SMUG1: variants seen among roughly 807,000 people sequenced by gnomAD.
SMUG1 encodes single-strand selective monofunctional uracil DNA glycosylase.
In SMUG1, 13 loss-of-function variants were observed where a neutral mutation model predicts 23.9. That is an observed-to-expected ratio of 0.54 (90% CI 0.35 to 0.86). The LOEUF (loss-of-function observed/expected upper bound fraction) is 0.86. SMUG1 is among the 40% of genes least tolerant of loss of function. The probability of loss-of-function intolerance (pLI) is 0.01; values close to 1 mark genes in which losing one functional copy is unlikely to be tolerated. For synonymous variants in SMUG1, 133 were observed against 139.8 expected (o/e 0.95, Z 0.34); for missense variants, 313 against 339.5 (o/e 0.92, Z 0.61).
intron 2 of SMUG1, among the ~76,000 whole-genome samples, chr12:54,185,980 G>A (rs1942366042): frequency 6.6e-6 from 1 of 152,130 alleles, no homozygotes; most frequent in East Asian, 1.9e-4. Context: ...AAAGGCCATT[G>A]CTTCACTCCA....
chr12:54,172,051 G>A (rs752627579), exon 3 of SMUG1: 1 of 455,332 alleles, frequency 2.2e-6, no homozygotes, highest in South Asian at 1.5e-5. Context: ...CTCCTGACTG[G>A]TCTCCCTGCT....
chr12:54,178,696 C>T (rs1157477838), downstream of SMUG1, among the ~76,000 whole-genome samples: 2 of 152,206 alleles, frequency 1.3e-5, no homozygotes, highest in Non-Finnish European at 2.9e-5. Context: ...ATTCAAGACC[C>T]TTCACAGGCT....
chr12:54,177,030 CTAG>C (rs1940776434), downstream of SMUG1, among the ~76,000 whole-genome samples: 1 of 152,126 alleles, frequency 6.6e-6, no homozygotes, highest in Non-Finnish European at 1.5e-5. Context: ...TCTAGAGAAA[CTAG>C]TGTTTCTGGA....
At chr12:54,170,041 A>C (rs935021379) in intron 3 of SMUG1, among the ~76,000 whole-genome samples, 2 of 152,156 alleles carry the variant, frequency 1.3e-5, no homozygotes, top group African/African-American at 4.8e-5. Context: ...TCTACTAAAA[A>C]TACAAAATTA....
chr12:54,180,199 A>G (rs1245922781), downstream of SMUG1, among the ~76,000 whole-genome samples: 1 of 152,216 alleles, frequency 6.6e-6, no homozygotes, highest in Non-Finnish European at 1.5e-5. Context: ...CAAATCTTAC[A>G]GCAAACTCAG....
intron 4 of SMUG1, among the ~76,000 whole-genome samples, chr12:54,159,342 C>T (rs1270613688): frequency 2.0e-5 from 3 of 152,284 alleles, no homozygotes; most frequent in East Asian, 3.9e-4. Context: ...TCACGTGGCT[C>T]GGCCGGACCA....
intron 2 of SMUG1, among the ~76,000 whole-genome samples, chr12:54,174,201 TCAGAG>T (rs1940698844): frequency 1.3e-5 from 2 of 152,260 alleles, no homozygotes; most frequent in South Asian, 4.1e-4. Context: ...ACACTCATGC[TCAGAG>T]CAAAGTCATC....
At chr12:54,162,193 ACCCCT>A (rs371897184), downstream of SMUG1, 101 of 152,094 alleles carry the variant, frequency 6.6e-4, 2 homozygotes, top group African/African-American at 2.3e-3. Context: ...TAGAACAATG[ACCCCT>A]CCAGTCCCAC....
At position 54,181,800 on chromosome 12, in the gene SMUG1, TAG is replaced by T; in HGVS notation, c.*294_*295del. 1 of 1,430,174 alleles carries T rather than the reference TAG, an allele frequency of 7.0e-7. No homozygotes were observed. The highest frequency in any genetic ancestry group is 1.5e-5 in the South Asian group (1 of 64,592). 88.6% of individuals were successfully genotyped at this position (1,430,174 alleles called of 1,614,324 possible). Reference sequence around the variant, plus strand: ...AAAGTCTCCCAAGGAAACACTGAGGTAGAGCAGTCTGCAAGTGCAAAAGCACA... The same window carrying T: ...AAAGTCTCCCAAGGAAACACTGAGGTAGCAGTCTGCAAGTGCAAAAGCACA... On this transcript the variant is annotated 3_prime_UTR_variant, in exon 4 of 4. Coordinates refer to ENST00000682136, the MANE Select transcript of SMUG1 (RefSeq NM_001243787.2).
chr12:54,183,554 A>G (rs1224586606), intron 3 of SMUG1, 102 bp downstream of exon 3: 2 of 1,198,198 alleles, frequency 1.7e-6, no homozygotes, highest in South Asian at 2.5e-5. Flanking sequence ...GAGGACCTAC[A>G]CATGTCTACA....
At position 54,181,853 on chromosome 12, in the gene SMUG1, G is replaced by T; in HGVS notation, c.*243C>A. The T allele has an allele frequency of 7.0e-7, 1 of 1,420,534 alleles. No homozygotes were observed. The highest frequency in any genetic ancestry group is 9.2e-7 in the Non-Finnish European group (1 of 1,092,844). 88.0% of individuals were successfully genotyped at this position (1,420,534 alleles called of 1,614,324 possible). On this transcript the variant is annotated 3_prime_UTR_variant, in exon 4 of 4. Coordinates refer to ENST00000682136, the MANE Select transcript of SMUG1 (RefSeq NM_001243787.2). The stretch of plus-strand genomic sequence containing the variant: ...CCTTCTGCAGATTCCCTACAAAGTG[G>T]GGTCCCCTGAAAGGGGCAATGTTAA...
At position 54,188,338 on chromosome 12, in the gene SMUG1, A is replaced by G. The variant is rs972299952; in HGVS notation, c.-103-436T>C. Among the ~76,000 whole-genome samples, 19 of 136,084 alleles carry G rather than the reference A, an allele frequency of 1.4e-4. No homozygotes were observed. In the South Asian group the frequency reaches 1.6e-3, roughly 12 times the overall value. 89.3% of individuals were successfully genotyped at this position (136,084 alleles called of 152,430 possible). ...TAATAATAATAATAATAATAATAAT[A>G]ATGCATAGGCCGGGCGCGGTGGCTC... is the stretch of plus-strand genomic sequence containing the variant. On this transcript the variant is annotated intron_variant, in intron 1 of 3. Coordinates refer to ENST00000682136, the MANE Select transcript of SMUG1 (RefSeq NM_001243787.2).
chr12:54,160,899 G>A (rs1000703370), downstream of SMUG1, among the ~76,000 whole-genome samples: 5 of 152,144 alleles, frequency 3.3e-5, no homozygotes, highest in African/African-American at 9.7e-5. Context: ...CAACCTCACC[G>A]CCACCAGCGT....
At chr12:54,166,635 G>T (rs911548403) in intron 3 of SMUG1, among the ~76,000 whole-genome samples, 4 of 152,144 alleles carry the variant, frequency 2.6e-5, no homozygotes, top group African/African-American at 9.7e-5. Context: ...ATCAGCATGA[G>T]GATCATCAGG....
chr12:54,182,636 A>T lies in SMUG1; in HGVS notation c.286-13T>A. The T allele has an allele frequency of 6.3e-7, 1 of 1,596,112 alleles. No homozygotes were observed. Among genetic ancestry groups the T allele is most frequent in the East Asian group, 2.2e-5 (1 of 44,668 alleles). On this transcript the variant is annotated splice_polypyrimidine_tract_variant and intron_variant, in intron 3 of 3. Transcript: ENST00000682136. The stretch of plus-strand genomic sequence containing the variant: ...CCCCAAAGGGCACCTGTGAGGAAGG[A>T]GAGAGACATGAAAGGCTTCAAACTG...
chr12:54,159,148 T>TCAGCCCCAGCCC (rs761914252), intron 4 of SMUG1, among the ~76,000 whole-genome samples: 4 of 152,040 alleles, frequency 2.6e-5, no homozygotes, highest in East Asian at 1.9e-4. Flanking sequence ...GTTCAGGTTG[T>TCAGCCCCAGCCC]CAGCCCCAGC....
At chr12:54,163,534 G>A (rs1024325811), downstream of SMUG1, among the ~76,000 whole-genome samples, 6 of 152,330 alleles carry the variant, frequency 3.9e-5, no homozygotes, top group South Asian at 8.3e-4. Context: ...GACTTGTGCA[G>A]AGAAAAGAGA....
At chr12:54,185,811 T>C (rs944523626) in intron 2 of SMUG1, among the ~76,000 whole-genome samples, 3 of 151,522 alleles carry the variant, frequency 2.0e-5, no homozygotes, top group African/African-American at 7.3e-5. Flanking sequence ...AGGGAGACTG[T>C]CTCAAAACAA....
intron 3 of SMUG1, among the ~76,000 whole-genome samples, chr12:54,170,255 G>A (rs920468531): frequency 2.0e-5 from 3 of 151,458 alleles, no homozygotes; most frequent in African/African-American, 4.9e-5. Context: ...TTTCCCTAGC[G>A]GCAAAGCAGT....
Sources: allele counts gnomAD v4.1 joint callset (sites outside exome capture counted in the v4.1 genomes callset), GRCh38; gene constraint gnomAD v4.1.1; transcripts MANE v1.5; gene names NCBI Gene and HGNC (gene_info 2026-07-23, HGNC 2026-07-21).